IFFO2: variants seen among roughly 807,000 people sequenced by gnomAD.
IFFO2 encodes the protein intermediate filament family orphan 2.
In IFFO2, 19 loss-of-function variants were observed where a neutral mutation model predicts 53.5. That is an observed-to-expected ratio of 0.36 (90% CI 0.25 to 0.52). The LOEUF is 0.52. Ranked by LOEUF, IFFO2 falls within the 20% of genes least tolerant of loss-of-function variation. IFFO2 has a pLI of 0.94. For synonymous variants in IFFO2, 303 were observed against 313.6 expected, an observed-to-expected ratio of 0.97 and a Z score of 0.36; for missense variants, 570 against 727.4, an observed-to-expected ratio of 0.78 and a Z score of 2.49.
intron 1 of IFFO2, among the ~76,000 whole-genome samples, chr1:18,930,200 C>G (rs1012955187): frequency 6.6e-6 from 1 of 152,210 alleles, no homozygotes; most frequent in Non-Finnish European, 1.5e-5. Context: ...GAAAAGTGCC[C>G]AGAATAGTGC....
chr1:18,925,376 T>A (rs1374471937), intron 1 of IFFO2, among the ~76,000 whole-genome samples: 2 of 152,078 alleles, frequency 1.3e-5, no homozygotes, highest in African/African-American at 2.4e-5. Context: ...GGCCCCAGGA[T>A]CTCCTCTTCC....
intron 5 of IFFO2, among the ~76,000 whole-genome samples, chr1:18,914,396 G>T (rs1481564376): frequency 1.3e-5 from 2 of 152,184 alleles, no homozygotes; most frequent in Non-Finnish European, 2.9e-5. Flanking sequence ...AATTTCTTCA[G>T]ATAAGTCCTT....
At position 18,911,448 on chromosome 1, in the gene IFFO2, T is replaced by C. The variant is rs1385325873; in HGVS notation, c.1253A>G (p.His418Arg). Residue 418 changes from histidine (H) to arginine (R), a missense_variant, in exon 7 of 9, where the codon CAT (histidine) becomes CGT (arginine). By Grantham distance (29) the His-to-Arg change is conservative. Coordinates refer to ENST00000455833, the MANE Select transcript of IFFO2 (RefSeq NM_001136265.2). ...EQEENLGNLI[H>R]ETESFFKTRD... Reference sequence around the variant, plus strand: ...CGTCTTGAAGAAGGATTCGGTCTCATGGATCAAGTTGCCCAAGTTTTCCTC... The same window carrying C: ...CGTCTTGAAGAAGGATTCGGTCTCACGGATCAAGTTGCCCAAGTTTTCCTC... 1.3e-6 allele frequency: 2 copies of C among 1,513,642 alleles called. No individual in the cohort carries two copies. Among genetic ancestry groups the C allele is most frequent in the Non-Finnish European group, 1.8e-6 (2 of 1,130,464 alleles). The allele number at this position is 1,513,642 out of a possible 1,614,324, so 93.8% of individuals were successfully genotyped here. A position where few individuals can be genotyped will look rare whatever the true frequency, so the allele number is the denominator to read the frequency against.
Position 18,918,342 on chromosome 1 carries a change from A to G in IFFO2, c.963+20T>C. On this transcript the variant is annotated intron_variant, in intron 4 of 8. Transcript: ENST00000455833. The surrounding 1 kb of genome is among the most constrained non-coding windows in gnomAD (Gnocchi z 5.2). ...TGGGAGAGTGGGGGGTTGGCTGGTG[A>G]GCAGGGCAGCCCTAGTCACCTGGAA... 6.5e-7 allele frequency: 1 copy of G among 1,543,964 alleles called. No individual in the cohort carries two copies. Among genetic ancestry groups the G allele is most frequent in the Non-Finnish European group, 8.8e-7 (1 of 1,140,644 alleles).
Position 18,956,368 on chromosome 1 carries a change from G to T in IFFO2, c.-36C>A, listed in dbSNP as rs1297072148. On this transcript the variant is annotated 5_prime_UTR_variant, in exon 1 of 9. Transcript: ENST00000455833. The surrounding 1 kb of genome is among the most constrained non-coding windows in gnomAD (Gnocchi z 6.4). ...CGCGGCTCAGGGCCCCGGGCCCGCG[G>T]CTCCAGGTGCGGCTCCAGCTCCGGG... 3.7e-5 allele frequency: 8 copies of T among 215,394 alleles called. No homozygotes were observed. The highest frequency in any genetic ancestry group is 6.2e-5 in the Admixed American group (1 of 16,198). 13.3% of individuals were successfully genotyped at this position (215,394 alleles called of 1,614,324 possible).
intron 1 of IFFO2, among the ~76,000 whole-genome samples, chr1:18,924,120 T>G (rs1049518428): frequency 6.6e-6 from 1 of 152,126 alleles, no homozygotes; most frequent in Admixed American, 6.5e-5. Flanking sequence ...CTGACATCCC[T>G]CCCGGCGGTG....
intron 1 of IFFO2, among the ~76,000 whole-genome samples, chr1:18,952,560 G>C (rs1360637218): frequency 6.6e-6 from 1 of 152,178 alleles, no homozygotes; most frequent in East Asian, 1.9e-4. Flanking sequence ...CTACAACATG[G>C]ATGAACTTCA....
chr1:18,943,611 C>T (rs1936547699), intron 1 of IFFO2, among the ~76,000 whole-genome samples: 1 of 152,200 alleles, frequency 6.6e-6, no homozygotes, highest in South Asian at 2.1e-4. Context: ...GGCTCACCAA[C>T]ACCCTGTGGG....
chr1:18,914,381 A>T (rs1472942470), intron 5 of IFFO2, among the ~76,000 whole-genome samples: 1 of 152,184 alleles, frequency 6.6e-6, no homozygotes, highest in East Asian at 1.9e-4. Context: ...AAAAGCAGGG[A>T]CAACAATTTC....
chr1:18,918,051 G>A lies in IFFO2; in HGVS notation c.963+311C>T, dbSNP rs1249747435. On this transcript the variant is annotated intron_variant, in intron 4 of 8. Coordinates refer to ENST00000455833, the MANE Select transcript of IFFO2 (RefSeq NM_001136265.2). The surrounding 1 kb of genome is among the most constrained non-coding windows in gnomAD (Gnocchi z 5.2). ...GAAGCGGGACAATGGGTACAGTGTG[G>A]GCTGGTGAACCAAGCCCTGGAGGGG... Among the ~76,000 whole-genome samples the A allele has an allele frequency of 6.6e-6, 1 of 152,198 alleles. No individual in the cohort carries two copies. Among genetic ancestry groups the A allele is most frequent in the East Asian group, 1.9e-4 (1 of 5,188 alleles).
intron 1 of IFFO2, among the ~76,000 whole-genome samples, chr1:18,935,520 C>T (rs2148181589): frequency 6.6e-6 from 1 of 152,132 alleles, no homozygotes. Context: ...TCTCCCTTAC[C>T]TAATGTGACT....
chr1:18,912,174 T>C lies in IFFO2; in HGVS notation c.1104-91A>G. On this transcript the variant is annotated intron_variant, in intron 5 of 8. Transcript: ENST00000455833. Reference sequence around the variant, plus strand: ...CAGAAAGGGGCAGCTGCCCAGCAGGTACACAGCTTCAAGGCTGTCCTCAGG... The same window carrying C: ...CAGAAAGGGGCAGCTGCCCAGCAGGCACACAGCTTCAAGGCTGTCCTCAGG... The C allele has an allele frequency of 2.0e-6, 3 of 1,482,622 alleles. 1 individual carries two copies. In the South Asian group the frequency reaches 3.7e-5, roughly 18 times the overall value. The allele number at this position is 1,482,622 out of a possible 1,614,324, so 91.8% of individuals were successfully genotyped here. A position where few individuals can be genotyped will look rare whatever the true frequency, so the allele number is the denominator to read the frequency against.
intron 1 of IFFO2, among the ~76,000 whole-genome samples, chr1:18,943,493 C>T (rs773686866): frequency 5.3e-5 from 8 of 152,184 alleles, no homozygotes; most frequent in Non-Finnish European, 1.0e-4. Context: ...AATGAAAGAT[C>T]AGCCTCTACG....
Position 18,908,406 on chromosome 1 carries a change from G to GAAGC in IFFO2, c.*151_*154dup, listed in dbSNP as rs771994436. 81 of 607,044 alleles carry GAAGC rather than the reference G, an allele frequency of 1.3e-4. No homozygotes were observed. Among genetic ancestry groups the GAAGC allele is most frequent in the Non-Finnish European group, 2.2e-4 (75 of 337,868 alleles). The allele number at this position is 607,044 out of a possible 1,614,324, so 37.6% of individuals were successfully genotyped here. A position where few individuals can be genotyped will look rare whatever the true frequency, so the allele number is the denominator to read the frequency against. On this transcript the variant is annotated 3_prime_UTR_variant, in exon 9 of 9. Coordinates refer to ENST00000455833, the MANE Select transcript of IFFO2 (RefSeq NM_001136265.2). ...CGTTGGTGGTGTGGAAGGAAGGAAG[G>GAAGC]AAGCAGCAGTCCCTCAGGGCCTCCA... is the stretch of plus-strand genomic sequence containing the variant.
chr1:18,914,839 A>AG (rs1936108182), intron 5 of IFFO2, among the ~76,000 whole-genome samples: 1 of 149,840 alleles, frequency 6.7e-6, no homozygotes, highest in African/African-American at 2.4e-5. Context: ...AAAAAAAAAA[A>AG]AGCCCCTCTT....
chr1:18,938,620 T>C (rs1448512248), intron 1 of IFFO2, among the ~76,000 whole-genome samples: 2 of 152,184 alleles, frequency 1.3e-5, no homozygotes, highest in African/African-American at 4.8e-5. Flanking sequence ...TGACTTACTG[T>C]GTGGCCTTGA....
chr1:18,946,502 C>T (rs1936590229), intron 1 of IFFO2, among the ~76,000 whole-genome samples: 1 of 150,572 alleles, frequency 6.6e-6, no homozygotes, highest in Non-Finnish European at 1.5e-5. Context: ...GCAACCTCCG[C>T]CCTCCAAGTT....
chr1:18,930,189 T>A (rs1014920181), intron 1 of IFFO2, among the ~76,000 whole-genome samples: 1 of 152,272 alleles, frequency 6.6e-6, no homozygotes, highest in Non-Finnish European at 1.5e-5. Flanking sequence ...GAATAGCATA[T>A]GAAAAGTGCC....
chr1:18,915,810 G>T (rs1037851249), intron 5 of IFFO2, among the ~76,000 whole-genome samples: 1 of 152,174 alleles, frequency 6.6e-6, no homozygotes, highest in African/African-American at 2.4e-5. Flanking sequence ...GTGCAGGTGG[G>T]TCTGGTTAAG....
Sources: allele counts gnomAD v4.1 joint callset (sites outside exome capture counted in the v4.1 genomes callset), GRCh38; gene constraint gnomAD v4.1.1; non-coding constraint Gnocchi (gnomAD v3.1); transcripts MANE v1.5; gene names NCBI Gene and HGNC (gene_info 2026-07-23, HGNC 2026-07-21).